The following NUP155 variants were observed in gnomAD, a reference collection of about 807,000 sequenced individuals.
The protein encoded by NUP155 is nuclear pore complex protein Nup155.
In NUP155, 71 loss-of-function variants were observed where a neutral mutation model predicts 180.4. The observed-to-expected ratio is 0.39, with a 90% CI of 0.33 to 0.48. The LOEUF is 0.48. Ranked by LOEUF, NUP155 falls within the 20% of genes least tolerant of loss-of-function variation. The pLI, the probability that NUP155 is intolerant of heterozygous loss-of-function variation, is 0.91. For synonymous variants in NUP155, 582 were observed against 559.5 expected, an observed-to-expected ratio of 1.04 and a Z score of -0.57; for missense variants, 1,553 against 1,648.9, an observed-to-expected ratio of 0.94 and a Z score of 1.01.
At chr5:37,349,035 C>T (rs945957506) in intron 8 of NUP155, 137 bp downstream of exon 8, 1 of 334,416 alleles carries the variant, frequency 3.0e-6, no homozygotes, top group Non-Finnish European at 5.6e-6. Flanking sequence ...GGATTACAGG[C>T]TTGAGCCACC....
At chr5:37,320,678 T>C (rs545140154) in intron 20 of NUP155, among the ~76,000 whole-genome samples, 2 of 151,830 alleles carry the variant, frequency 1.3e-5, no homozygotes, top group South Asian at 4.2e-4. Flanking sequence ...TTAAGAGAAA[T>C]TAGAAGTAGA....
At chr5:37,293,252 T>C (rs554722378) in intron 33 of NUP155, 4 of 329,958 alleles carry the variant, frequency 1.2e-5, no homozygotes, top group African/African-American at 8.7e-5. Context: ...AATGTCCCGC[T>C]TAGGAATCTG....
intron 29 of NUP155, 107 bp downstream of exon 29, chr5:37,302,672 T>C: frequency 4.5e-6 from 5 of 1,113,618 alleles, no homozygotes; most frequent in Non-Finnish European, 6.7e-6. Context: ...GCAACTAGAA[T>C]AATAATGACT....
chr5:37,335,765 C>T (rs1304714898), intron 12 of NUP155, among the ~76,000 whole-genome samples: 16 of 152,018 alleles, frequency 1.1e-4, no homozygotes, highest in Admixed American at 8.5e-4. Flanking sequence ...GCAGGGGCTA[C>T]ATGGCAAAAC....
chr5:37,339,068 C>CT (rs911284701), intron 11 of NUP155, among the ~76,000 whole-genome samples: 1 of 152,020 alleles, frequency 6.6e-6, no homozygotes, highest in Non-Finnish European at 1.5e-5. Flanking sequence ...GATAAGTGTA[C>CT]TATAGAAGCA....
At chr5:37,325,019 C>T (rs771351898) in intron 19 of NUP155, among the ~76,000 whole-genome samples, 3 of 152,062 alleles carry the variant, frequency 2.0e-5, no homozygotes, top group East Asian at 1.9e-4. Context: ...GGCATGGTGG[C>T]GCGCACCTGT....
intron 20 of NUP155, among the ~76,000 whole-genome samples, chr5:37,321,789 G>C (rs1326934539): frequency 6.6e-6 from 1 of 152,098 alleles, no homozygotes; most frequent in Non-Finnish European, 1.5e-5. Context: ...TTATATAAAA[G>C]TGTACTTACT....
intron 18 of NUP155, chr5:37,327,126 A>C (rs1744649418): frequency 5.7e-6 from 1 of 176,116 alleles, no homozygotes; most frequent in Non-Finnish European, 1.2e-5. Context: ...CACATATAAC[A>C]CAAAATATCA....
chr5:37,349,167 C>A lies in NUP155; in HGVS notation c.903+5G>T. On this transcript the variant is annotated splice_donor_5th_base_variant and intron_variant, in intron 8 of 34. Coordinates refer to ENST00000231498, the MANE Select transcript of NUP155 (RefSeq NM_153485.3). ...TCTTAATGGTATAATAATATTAATA[C>A]TAACCTGTATTACTCCTTTCTCAGA... is the stretch of plus-strand genomic sequence containing the variant. The A allele has an allele frequency of 3.1e-6, 2 of 652,804 alleles. No individual in the cohort carries two copies. The highest frequency in any genetic ancestry group is 2.1e-5 in the South Asian group (1 of 46,994). 40.4% of individuals were successfully genotyped at this position (652,804 alleles called of 1,614,324 possible). A position where few individuals can be genotyped will look rare whatever the true frequency, so the allele number is the denominator to read the frequency against.
chr5:37,341,724 T>G (rs887816634), intron 10 of NUP155, among the ~76,000 whole-genome samples: 2 of 152,068 alleles, frequency 1.3e-5, no homozygotes, highest in African/African-American at 4.8e-5. Context: ...GTGTTTTTAG[T>G]AGAGATGGGG....
intron 4 of NUP155, 78 bp from the exon 5 acceptor site, chr5:37,352,907 G>C (rs553712792): frequency 1.1e-6 from 1 of 930,470 alleles, no homozygotes. Context: ...TACCATTAAA[G>C]TGAGCTACTA....
At chr5:37,351,452 C>A in intron 5 of NUP155, 96 bp from the exon 6 acceptor site, 2 of 719,980 alleles carry the variant, frequency 2.8e-6, no homozygotes, top group Non-Finnish European at 4.4e-6. Flanking sequence ...TTACTCAATT[C>A]TTTTTTTTTT....
chr5:37,370,738 G>A, intron 1 of NUP155, 83 bp downstream of exon 1: 1 of 1,612,612 alleles, frequency 6.2e-7, no homozygotes, highest in African/African-American at 1.3e-5. Flanking sequence ...ATCCTCGCCG[G>A]GACCAACGCT....
chr5:37,303,970 G>C (rs1043207717), intron 27 of NUP155, among the ~76,000 whole-genome samples: 1 of 151,408 alleles, frequency 6.6e-6, no homozygotes, highest in African/African-American at 2.4e-5. Flanking sequence ...AAATTTGGCC[G>C]GGCACAGTGG....
At chr5:37,348,639 T>C (rs1175180407) in intron 8 of NUP155, 43 bp from the exon 9 acceptor site, 2 of 1,048,658 alleles carry the variant, frequency 1.9e-6, no homozygotes, top group African/African-American at 3.1e-5. Context: ...GATTATATAC[T>C]ATACACATAT....
At chr5:37,368,124 TG>T (rs372369138) in intron 1 of NUP155, among the ~76,000 whole-genome samples, 1 of 151,240 alleles carries the variant, frequency 6.6e-6, no homozygotes, top group African/African-American at 2.4e-5. Context: ...TCACTCAGGC[TG>T]GTCTCAAACT....
chr5:37,318,193 G>C, intron 20 of NUP155, 108 bp from the exon 21 acceptor site: 1 of 782,816 alleles, frequency 1.3e-6, no homozygotes. Flanking sequence ...AAATAATTCA[G>C]AAGGTTGGGC....
In NUP155 at chr5:37,292,719, G is replaced by GA. The variant is rs1306835176; in HGVS notation, c.4037+159dup. ...GGATTTAGGACAAGGGTTGAAAATG[G>GA]AAAAAACTCCTATTTTTCATACATG... On this transcript the variant is annotated intron_variant, in intron 34 of 34. Transcript: ENST00000231498. Among the ~76,000 whole-genome samples, 7 of 152,178 alleles carry GA rather than the reference G, an allele frequency of 4.6e-5. No individual in the cohort carries two copies. In the East Asian group the frequency reaches 1.4e-3, roughly 29 times the overall value.
At position 37,358,118 on chromosome 5, in the gene NUP155, C is replaced by T. The variant is rs754339474; in HGVS notation, c.426G>A (p.Glu142=). The T allele has an allele frequency of 1.9e-6, 3 of 1,613,396 alleles. No individual in the cohort carries two copies. The South Asian group carries it at 3.3e-5, about 18-fold the overall frequency. ...TCACAAGCCCCACAGCAAGAATAGTCTCACTAAGTCCATCAAAATAGGCAA... is the reference window on the plus strand; with the variant it reads ...TCACAAGCCCCACAGCAAGAATAGTTTCACTAAGTCCATCAAAATAGGCAA... ...GDLAYFDGLS[E]TILAVGLVKP... The change falls in exon 4 of 35, where the codon GAG becomes GAA. Residue 142 remains glutamate, a synonymous_variant. Coordinates refer to ENST00000231498, the MANE Select transcript of NUP155 (RefSeq NM_153485.3).
Sources: allele counts gnomAD v4.1 joint callset (sites outside exome capture counted in the v4.1 genomes callset), GRCh38; gene constraint gnomAD v4.1.1; transcripts MANE v1.5; gene names NCBI Gene and HGNC (gene_info 2026-07-23, HGNC 2026-07-21).